The following ENAH variants were observed in gnomAD, a reference collection of about 807,000 sequenced individuals.
The protein encoded by ENAH is ENAH actin regulator.
A neutral mutation model predicts 78.7 loss-of-function variants in ENAH; 23 were observed. The ratio of observed to expected loss-of-function variants is 0.29; its 90% confidence interval spans 0.21 to 0.41. The LOEUF is 0.41. Among genes scored for constraint, ENAH ranks in the 10% least tolerant of loss-of-function variants. The probability of loss-of-function intolerance (pLI) is 1.00; values close to 1 mark genes in which losing one functional copy is unlikely to be tolerated. For synonymous variants in ENAH, 226 were observed against 241.0 expected (o/e 0.94, Z 0.58); for missense variants, 544 against 691.0 (o/e 0.79, Z 2.39).
chr1:225,613,251 C>T (rs1481231831), intron 1 of ENAH, among the ~76,000 whole-genome samples: 4 of 152,172 alleles, frequency 2.6e-5, no homozygotes, highest in African/African-American at 4.8e-5. Context: ...ACCACCCCAA[C>T]CAAGTTAGGC....
intron 11 of ENAH, among the ~76,000 whole-genome samples, chr1:225,503,801 G>C (rs908799071): frequency 2.0e-5 from 3 of 151,984 alleles, no homozygotes; most frequent in African/African-American, 7.2e-5. Context: ...GTAAGAATTT[G>C]GCCAGAGTCT....
At chr1:225,549,621 C>A (rs2096632081) in intron 3 of ENAH, among the ~76,000 whole-genome samples, 2 of 152,236 alleles carry the variant, frequency 1.3e-5, no homozygotes, top group South Asian at 4.2e-4. Context: ...GATAATACCA[C>A]CAACCTTGTA....
At chr1:225,523,365 A>G (rs1490471021) in intron 4 of ENAH, among the ~76,000 whole-genome samples, 5 of 151,728 alleles carry the variant, frequency 3.3e-5, no homozygotes. Flanking sequence ...TGGTAACAGC[A>G]TTTACAGCTA....
intron 1 of ENAH, among the ~76,000 whole-genome samples, chr1:225,623,332 A>T (rs1004552297): frequency 6.6e-6 from 1 of 152,182 alleles, no homozygotes; most frequent in Non-Finnish European, 1.5e-5. Context: ...TATCTCATTT[A>T]TGTTGTTGAG....
At chr1:225,631,005 G>C (rs114071069) in intron 1 of ENAH, among the ~76,000 whole-genome samples, 6,502 of 152,152 alleles carry the variant, frequency 0.043, 226 homozygotes, top group South Asian at 0.1. Context: ...AGACTTCACC[G>C]ACCTTAAATA....
intron 3 of ENAH, among the ~76,000 whole-genome samples, chr1:225,537,618 G>A (rs2096568045): frequency 6.6e-6 from 1 of 152,030 alleles, no homozygotes; most frequent in Non-Finnish European, 1.5e-5. Context: ...AGTAAATTCA[G>A]TAATACGATG....
intron 1 of ENAH, among the ~76,000 whole-genome samples, chr1:225,651,800 C>T (rs1473955261): frequency 6.6e-6 from 1 of 152,158 alleles, no homozygotes; most frequent in Admixed American, 6.5e-5. Flanking sequence ...GAAAAAAAAT[C>T]TCCAATGAAT....
rs536399428 is a variant in ENAH at position 225,578,547 on chromosome 1, C to G, written c.6-11133G>C. On this transcript the variant is annotated intron_variant, in intron 1 of 13. Coordinates refer to ENST00000366843, the MANE Select transcript of ENAH (RefSeq NM_018212.6). Reference sequence around the variant, plus strand: ...AGATTATCTAGGGTGGGAACCTGCTCTGTGTGTGCAACTCTAGCTGGCCAC... The same window carrying G: ...AGATTATCTAGGGTGGGAACCTGCTGTGTGTGTGCAACTCTAGCTGGCCAC... 7.9e-4 allele frequency among the ~76,000 whole-genome samples: 121 copies of G among 152,272 alleles called. 1 individual carries two copies. Among genetic ancestry groups the G allele is most frequent in the African/African-American group, 2.5e-3 (104 of 41,552 alleles).
intron 7 of ENAH, among the ~76,000 whole-genome samples, 154 bp downstream of exon 7, chr1:225,514,442 C>T (rs78897252): frequency 0.043 from 6,531 of 152,012 alleles, 228 homozygotes; most frequent in South Asian, 0.11. Flanking sequence ...AGGGATTATA[C>T]AGGTATGAGC....
chr1:225,580,151 A>C (rs1428651546), intron 1 of ENAH: 3 of 152,080 alleles, frequency 2.0e-5, no homozygotes, highest in Non-Finnish European at 4.4e-5. Flanking sequence ...CCTAGTATTC[A>C]TGCCCAGAGA....
intron 1 of ENAH, among the ~76,000 whole-genome samples, chr1:225,585,289 A>G (rs759963626): frequency 9.2e-5 from 14 of 151,368 alleles, no homozygotes; most frequent in Non-Finnish European, 1.9e-4. Context: ...TTAGTTGTAA[A>G]TTTTAACACC....
At chr1:225,641,920 C>G (rs1398026308) in intron 1 of ENAH, among the ~76,000 whole-genome samples, 1 of 152,046 alleles carries the variant, frequency 6.6e-6, no homozygotes, top group African/African-American at 2.4e-5. Context: ...ACTTGGGAGG[C>G]TGAGGCAGGA....
rs139518545 is a variant in ENAH, at chr1:225,498,287, T to C, written c.1675+60A>G. The C allele has an allele frequency of 1.0e-4, 142 of 1,380,942 alleles. 2 individuals carry two copies. The East Asian group carries it at 3.3e-3, about 32-fold the overall frequency. The allele number at this position is 1,380,942 out of a possible 1,614,324, so 85.5% of individuals were successfully genotyped here. On this transcript the variant is annotated intron_variant, in intron 13 of 13. Coordinates refer to ENST00000366843, the MANE Select transcript of ENAH (RefSeq NM_018212.6). Reference sequence around the variant, plus strand: ...GGGTATTTCCTTATTTGCATTTTCTTAAAAATGGTCAATCTTAAACATTGT... The same window carrying C: ...GGGTATTTCCTTATTTGCATTTTCTCAAAAATGGTCAATCTTAAACATTGT...
chr1:225,556,618 T>G (rs1266030994), intron 2 of ENAH, among the ~76,000 whole-genome samples: 1 of 152,212 alleles, frequency 6.6e-6, no homozygotes, highest in African/African-American at 2.4e-5. Flanking sequence ...GCATATATCT[T>G]ATGCCATTCT....
rs1030432494 is a variant in ENAH at position 225,487,188 on chromosome 1, T to A, written c.*10587A>T. 1 of 152,270 alleles carries A rather than the reference T, an allele frequency of 6.6e-6. No individual in the cohort carries two copies. Among genetic ancestry groups the A allele is most frequent in the Non-Finnish European group, 1.5e-5 (1 of 68,044 alleles). 9.4% of individuals were successfully genotyped at this position (152,270 alleles called of 1,614,324 possible). On this transcript the variant is annotated 3_prime_UTR_variant, in exon 14 of 14. Coordinates refer to ENST00000366843, the MANE Select transcript of ENAH (RefSeq NM_018212.6). ...ACACAGAGAATCATTTTGAAGGCAC[T>A]GTATTTTGCAGCAGGAGCTGCTACT...
chr1:225,563,638 T>C (rs749610362), intron 2 of ENAH, among the ~76,000 whole-genome samples: 15 of 152,202 alleles, frequency 9.9e-5, no homozygotes, highest in Non-Finnish European at 1.6e-4. Flanking sequence ...GATCAAGAAG[T>C]GCTTTTGTTT....
At chr1:225,548,725 C>G (rs992242206) in intron 3 of ENAH, among the ~76,000 whole-genome samples, 2 of 152,176 alleles carry the variant, frequency 1.3e-5, no homozygotes, top group Non-Finnish European at 2.9e-5. Flanking sequence ...TACTGTGATT[C>G]ACAAAAGGGA....
intron 3 of ENAH, 142 bp downstream of exon 3, chr1:225,554,763 CA>C (rs2096658354): frequency 1.6e-6 from 1 of 629,502 alleles, no homozygotes. Flanking sequence ...AAAACTACTT[CA>C]AATATATACA....
Position 225,490,930 on chromosome 1 carries a change from A to AT in ENAH, c.*6844dup, listed in dbSNP as rs921820981. The AT allele has an allele frequency of 1.3e-5, 2 of 152,212 alleles. No individual in the cohort carries two copies. Among genetic ancestry groups the AT allele is most frequent in the African/African-American group, 4.8e-5 (2 of 41,436 alleles). 9.4% of individuals were successfully genotyped at this position (152,212 alleles called of 1,614,324 possible). A position where few individuals can be genotyped will look rare whatever the true frequency, so the allele number is the denominator to read the frequency against. On this transcript the variant is annotated 3_prime_UTR_variant, in exon 14 of 14. Transcript: ENST00000366843. ...CAACCACTGGCACTGGGGTGGCCTT[A>AT]TGACTTACGACAATCAAATGGGGTT...
Sources: gnomAD v4.1 joint callset for allele counts (sites outside exome capture counted in the v4.1 genomes callset) on GRCh38, gnomAD v4.1.1 for gene constraint, MANE v1.5 for transcripts, NCBI Gene and HGNC (gene_info 2026-07-23, HGNC 2026-07-21) for gene names.